The following ATOSA variants were observed in gnomAD, a reference collection of about 807,000 sequenced individuals.
ATOSA encodes the protein atos homolog A, also known as atos homolog protein A.
At chr15:52,679,978 CA>C in the ATOSA span, among the ~76,000 whole-genome samples, 3 of 151,100 alleles carry the variant, frequency 2.0e-5, no homozygotes, top group East Asian at 5.8e-4. Context: ...ACAGGAAGCC[CA>C]CCCCCACCCT....
At chr15:52,694,041 A>G in the ATOSA span, among the ~76,000 whole-genome samples, 1 of 152,222 alleles carries the variant, frequency 6.6e-6, no homozygotes, top group Admixed American at 6.5e-5. Flanking sequence ...ATTTTTATAC[A>G]TATCCTCCAA....
At chr15:52,659,676 T>C in the ATOSA span, among the ~76,000 whole-genome samples, 10 of 152,192 alleles carry the variant, frequency 6.6e-5, no homozygotes, top group East Asian at 1.7e-3. Flanking sequence ...GCTATCTAAG[T>C]ACAGAATGAA....
chr15:52,612,195 G>A, the ATOSA span, among the ~76,000 whole-genome samples: 1 of 152,096 alleles, frequency 6.6e-6, no homozygotes, highest in Non-Finnish European at 1.5e-5. Flanking sequence ...ATGTTGGCCA[G>A]GCTGATCTCA....
chr15:52,665,043 A>G, the ATOSA span, among the ~76,000 whole-genome samples: 1 of 152,214 alleles, frequency 6.6e-6, no homozygotes, highest in African/African-American at 2.4e-5. Flanking sequence ...TCTCACTTGT[A>G]AATGGGAGTA....
the ATOSA span, among the ~76,000 whole-genome samples, chr15:52,639,436 A>T: frequency 1.3e-5 from 2 of 152,214 alleles, no homozygotes; most frequent in African/African-American, 2.4e-5. Context: ...TCAGGTTTCT[A>T]TATTTTACAG....
the ATOSA span, among the ~76,000 whole-genome samples, chr15:52,644,944 C>T: frequency 6.6e-6 from 1 of 152,198 alleles, no homozygotes; most frequent in African/African-American, 2.4e-5. Flanking sequence ...GAGGGCAACT[C>T]AAACTATACA....
At chr15:52,681,805 G>T in the ATOSA span, among the ~76,000 whole-genome samples, 1 of 152,170 alleles carries the variant, frequency 6.6e-6, no homozygotes, top group Non-Finnish European at 1.5e-5. Context: ...TACAGATTTT[G>T]TTGAAATGGG....
the ATOSA span, among the ~76,000 whole-genome samples, chr15:52,643,227 CT>C: frequency 6.6e-6 from 1 of 152,182 alleles, no homozygotes. Context: ...ATGCTTTCTG[CT>C]TTTCCAATCT....
At chr15:52,642,357 C>G in the ATOSA span, among the ~76,000 whole-genome samples, 2 of 152,168 alleles carry the variant, frequency 1.3e-5, no homozygotes, top group South Asian at 4.1e-4. Flanking sequence ...GCCCTGAGAC[C>G]TTGGGAAAAG....
the ATOSA span, chr15:52,629,765 G>A: frequency 5.2e-6 from 1 of 193,398 alleles, no homozygotes; most frequent in Non-Finnish European, 1.1e-5. Flanking sequence ...TTGTGCCACT[G>A]CACTCCAGCC....
chr15:52,611,303 A>G, the ATOSA span: 2 of 1,595,908 alleles, frequency 1.3e-6, no homozygotes, highest in South Asian at 2.3e-5. Context: ...GTACAAAATG[A>G]CTGAATTTTA....
At chr15:52,628,481 T>C in the ATOSA span, among the ~76,000 whole-genome samples, 2 of 152,180 alleles carry the variant, frequency 1.3e-5, no homozygotes, top group African/African-American at 2.4e-5. Context: ...AGTAATAAAA[T>C]GGGTACTAAT....
the ATOSA span, among the ~76,000 whole-genome samples, chr15:52,641,514 A>G: frequency 6.6e-6 from 1 of 152,252 alleles, no homozygotes; most frequent in Admixed American, 6.5e-5. Flanking sequence ...CCAGAAGTGT[A>G]TGAGAATGAT....
At chr15:52,700,699 A>G in the ATOSA span, among the ~76,000 whole-genome samples, 1 of 152,246 alleles carries the variant, frequency 6.6e-6, no homozygotes, top group Admixed American at 6.5e-5. Flanking sequence ...ATTAAGCAGT[A>G]TGTTATTATT....
the ATOSA span, among the ~76,000 whole-genome samples, chr15:52,659,748 G>T: frequency 6.6e-6 from 1 of 152,058 alleles, no homozygotes; most frequent in African/African-American, 2.4e-5. Flanking sequence ...GACTATTAGG[G>T]TTATCATAAA....
chr15:52,590,518 C>T, the ATOSA span, among the ~76,000 whole-genome samples: 1 of 152,166 alleles, frequency 6.6e-6, no homozygotes, highest in African/African-American at 2.4e-5. Flanking sequence ...TAAAATTTTA[C>T]CCTTGTGAGT....
chr15:52,614,089 A>T, the ATOSA span, among the ~76,000 whole-genome samples: 1 of 151,780 alleles, frequency 6.6e-6, no homozygotes, highest in Admixed American at 6.6e-5. Context: ...TTATAATTGT[A>T]ATATAATTAA....
chr15:52,647,429 T>G, the ATOSA span, among the ~76,000 whole-genome samples: 1 of 152,234 alleles, frequency 6.6e-6, no homozygotes, highest in South Asian at 2.1e-4. Context: ...GGCTTTGAAG[T>G]TTGAGTTTTC....
At chr15:52,589,784 T>G in the ATOSA span, among the ~76,000 whole-genome samples, 1 of 152,152 alleles carries the variant, frequency 6.6e-6, no homozygotes, top group African/African-American at 2.4e-5. Context: ...AAACACATTT[T>G]CTTCTGGCAT....
Sources: gnomAD v4.1 joint callset for allele counts (sites outside exome capture counted in the v4.1 genomes callset) on GRCh38, gnomAD v4.1.1 for gene constraint, MANE v1.5 for transcripts, NCBI Gene and HGNC (gene_info 2026-07-23, HGNC 2026-07-21) for gene names.